Variants in CLVS1 observed in about 807,000 individuals in gnomAD.
The protein encoded by CLVS1 is clavesin-1.
In CLVS1, 10 loss-of-function variants were observed where a neutral mutation model predicts 33.1. The ratio of observed to expected loss-of-function variants is 0.30; its 90% CI spans 0.19 to 0.51. The LOEUF (loss-of-function observed/expected upper bound fraction) is 0.51. Among genes scored for constraint, CLVS1 ranks in the 20% least tolerant of loss-of-function variants. The pLI is 0.97. For missense variants in CLVS1, 343 were observed against 433.4 expected (o/e 0.79, Z 1.85); for synonymous variants, 163 against 166.1 (o/e 0.98, Z 0.14).
intron 2 of CLVS1, among the ~76,000 whole-genome samples, chr8:61,188,741 A>G (rs1456508110): frequency 2.0e-5 from 3 of 152,146 alleles, no homozygotes; most frequent in Admixed American, 6.6e-5. Context: ...AGGAATAAAA[A>G]GAGGAAAAAC....
chr8:61,228,291 T>C (rs902983805), intron 2 of CLVS1, among the ~76,000 whole-genome samples: 1 of 152,196 alleles, frequency 6.6e-6, no homozygotes, highest in African/African-American at 2.4e-5. Context: ...ATGCCTCACC[T>C]AAAGTACTTA....
chr8:61,482,294 TCTC>T (rs1459282601), intron 5 of CLVS1, among the ~76,000 whole-genome samples: 1 of 152,114 alleles, frequency 6.6e-6, no homozygotes, highest in African/African-American at 2.4e-5. Flanking sequence ...GAGTGCCTCT[TCTC>T]CTCCAAAGGA....
At chr8:60,972,208 C>T in the CLVS1 span, among the ~76,000 whole-genome samples, 1 of 152,110 alleles carries the variant, frequency 6.6e-6, no homozygotes, top group Admixed American at 6.5e-5. Flanking sequence ...GCATGGTGGT[C>T]TCAGTGTGGT....
chr8:61,106,477 T>A (rs1805540800), intron 1 of CLVS1, among the ~76,000 whole-genome samples: 1 of 152,224 alleles, frequency 6.6e-6, no homozygotes, highest in African/African-American at 2.4e-5. Flanking sequence ...CAGGCTTTCA[T>A]ACACAAGCTG....
chr8:61,104,780 T>A (rs1805504775), intron 1 of CLVS1, among the ~76,000 whole-genome samples: 1 of 152,198 alleles, frequency 6.6e-6, no homozygotes, highest in Admixed American at 6.5e-5. Context: ...GTCTACCAAG[T>A]AGCTGGGACT....
intron 1 of CLVS1, among the ~76,000 whole-genome samples, chr8:61,070,757 T>C (rs151300079): frequency 2.0e-5 from 3 of 152,344 alleles, no homozygotes; most frequent in Admixed American, 1.3e-4. Flanking sequence ...GGAGGGTTGC[T>C]TGAGCCCAGG....
At chr8:61,300,516 A>G (rs2129594655) in intron 2 of CLVS1, 1 of 417,854 alleles carries the variant, frequency 2.4e-6, no homozygotes, top group East Asian at 3.7e-5. Context: ...TCTTTTCATC[A>G]AAGTGGGTCA....
chr8:61,232,046 T>TG (rs1563455165), intron 2 of CLVS1, among the ~76,000 whole-genome samples: 3 of 143,086 alleles, frequency 2.1e-5, no homozygotes, highest in Non-Finnish European at 3.0e-5. Flanking sequence ...TTTTTTTTTT[T>TG]TTTTGTGAGA....
At chr8:61,207,921 G>A (rs1029409899) in intron 2 of CLVS1, among the ~76,000 whole-genome samples, 1 of 152,192 alleles carries the variant, frequency 6.6e-6, no homozygotes, top group African/African-American at 2.4e-5. Context: ...GAAGTCCTTG[G>A]AAAGATTTCT....
chr8:61,008,263 G>T, the CLVS1 span, among the ~76,000 whole-genome samples: 1 of 151,858 alleles, frequency 6.6e-6, no homozygotes, highest in African/African-American at 2.4e-5. Flanking sequence ...ACCCAAATTG[G>T]TCACCACACT....
chr8:61,223,060 C>G (rs951328600), intron 2 of CLVS1, among the ~76,000 whole-genome samples: 4 of 151,168 alleles, frequency 2.6e-5, no homozygotes, highest in Non-Finnish European at 4.4e-5. Context: ...TTAATTTGAG[C>G]CTGTGTGTGT....
chr8:61,478,747 C>CTGAT (rs1310564113), intron 5 of CLVS1, among the ~76,000 whole-genome samples: 2 of 152,174 alleles, frequency 1.3e-5, no homozygotes, highest in African/African-American at 2.4e-5. Context: ...ATACAGCACA[C>CTGAT]TGATAGGTCT....
the CLVS1 span, among the ~76,000 whole-genome samples, chr8:61,027,274 G>C: frequency 6.6e-6 from 1 of 152,084 alleles, no homozygotes; most frequent in Non-Finnish European, 1.5e-5. Flanking sequence ...GCATTAAAAT[G>C]GATCCTGTAT....
At chr8:61,149,827 A>G (rs181109238) in intron 2 of CLVS1, among the ~76,000 whole-genome samples, 354 of 152,290 alleles carry the variant, frequency 2.3e-3, no homozygotes, top group Admixed American at 4.9e-3. Flanking sequence ...GACCCCTACA[A>G]TTTATTCTGA....
At chr8:61,464,487 G>A (rs1445061676) in intron 5 of CLVS1, 2 of 152,136 alleles carry the variant, frequency 1.3e-5, no homozygotes, top group Admixed American at 6.5e-5. Context: ...AAGAGAAAAC[G>A]TGCCCCAAAT....
At chr8:61,446,435 A>T (rs145113412) in intron 3 of CLVS1, among the ~76,000 whole-genome samples, 7 of 152,284 alleles carry the variant, frequency 4.6e-5, no homozygotes, top group African/African-American at 1.7e-4. Context: ...ATTTCTTACC[A>T]TTATGGAGGC....
At chr8:61,254,199 TGCCTGG>T (rs1472940191) in intron 2 of CLVS1, among the ~76,000 whole-genome samples, 1 of 152,212 alleles carries the variant, frequency 6.6e-6, no homozygotes, top group African/African-American at 2.4e-5. Context: ...AGACCCTGTT[TGCCTGG>T]GTATCAGCAG....
chr8:61,144,257 G>A (rs961308029), intron 2 of CLVS1, among the ~76,000 whole-genome samples: 4 of 152,124 alleles, frequency 2.6e-5, no homozygotes, highest in African/African-American at 9.6e-5. Context: ...GTGTCCATTT[G>A]TTCTAATTGT....
At chr8:61,228,247 C>T (rs1466546780) in intron 2 of CLVS1, among the ~76,000 whole-genome samples, 2 of 151,938 alleles carry the variant, frequency 1.3e-5, no homozygotes, top group South Asian at 4.2e-4. Flanking sequence ...AATATGGATA[C>T]ATTATGGAAT....
Sources: gnomAD v4.1 joint callset for allele counts (sites outside exome capture counted in the v4.1 genomes callset) on GRCh38, gnomAD v4.1.1 for gene constraint, MANE v1.5 for transcripts, NCBI Gene and HGNC (gene_info 2026-07-23, HGNC 2026-07-21) for gene names.